The following RBM27 variants were observed in gnomAD, a reference collection of about 807,000 sequenced individuals.
RBM27 encodes RNA-binding protein 27.
In RBM27, 22 loss-of-function variants were observed where a neutral mutation model predicts 135.3. The ratio of observed to expected loss-of-function variants is 0.16; its 90% CI spans 0.12 to 0.23. RBM27 has a LOEUF of 0.23. RBM27 is among the 10% of genes least tolerant of loss of function. RBM27 has a pLI of 1.00. For missense variants in RBM27, 1,009 were observed against 1,281.0 expected (o/e 0.79, Z 3.24); for synonymous variants, 481 against 442.4 (o/e 1.09, Z -1.10).
rs371513092 is a variant in RBM27, at chr5:146,229,889, C to T, written c.568C>T (p.Arg190Trp). ...CCGAAGTAGGGGGCGCAGCAAAGAC[C>T]GGGATCCAAATAGGAATGTTGGTGA... ...RSRSRGRSKD[R>W]DPNRNVEHRE... Residue 190 changes from arginine to tryptophan, a missense_variant, in exon 5 of 21, where the codon CGG becomes TGG. Arg to Trp is a moderately radical substitution (Grantham distance 101, BLOSUM62 -3). Coordinates refer to ENST00000265271, the MANE Select transcript of RBM27 (RefSeq NM_018989.2). 28 of 1,613,740 alleles carry T rather than the reference C, an allele frequency of 1.7e-5. No individual in the cohort carries two copies. The highest frequency in any genetic ancestry group is 1.5e-4 in the African/African-American group (11 of 74,908).
At chr5:146,233,839 A>G in intron 7 of RBM27, 96 bp downstream of exon 7, 1 of 820,624 alleles carries the variant, frequency 1.2e-6, no homozygotes, top group Non-Finnish European at 1.7e-6. Context: ...TGTTTGAGAA[A>G]TAGAGTAATA....
At chr5:146,275,551 G>A (rs181708199) in intron 19 of RBM27, among the ~76,000 whole-genome samples, 6 of 152,252 alleles carry the variant, frequency 3.9e-5, no homozygotes, top group Admixed American at 1.3e-4. Flanking sequence ...ATAGGCATGA[G>A]CCACTGCGCC....
intron 8 of RBM27, among the ~76,000 whole-genome samples, chr5:146,248,815 T>C (rs1757748946): frequency 6.6e-6 from 1 of 152,200 alleles, no homozygotes; most frequent in Non-Finnish European, 1.5e-5. Context: ...TTGGGCAAAG[T>C]AGCCTTTTGG....
chr5:146,277,034 A>G (rs1759119882), intron 19 of RBM27, among the ~76,000 whole-genome samples: 1 of 152,208 alleles, frequency 6.6e-6, no homozygotes, highest in Non-Finnish European at 1.5e-5. Context: ...GTGAAAATAT[A>G]ATTTTCGTAG....
In RBM27 at chr5:146,203,794, A is replaced by G; in HGVS notation, c.29A>G (p.Lys10Arg). Reference sequence around the variant, plus strand: ...CTCATAGAGGATGTGGATGCCCTCAAGTCCTGGCTGGCCAAGTTACTGGAG... The same window carrying G: ...CTCATAGAGGATGTGGATGCCCTCAGGTCCTGGCTGGCCAAGTTACTGGAG... MLIEDVDAL[K>R]SWLAKLLEPI... The change falls in exon 1 of 21, where the codon AAG becomes AGG. Residue 10 changes from lysine (K) to arginine (R), a missense_variant. Physicochemically the swap from Lys to Arg is conservative, Grantham distance 26. Transcript: ENST00000265271. The G allele has an allele frequency of 6.5e-7, 1 of 1,546,918 alleles. No homozygotes were observed.
chr5:146,242,934 T>G (rs574288925), intron 8 of RBM27, among the ~76,000 whole-genome samples: 1 of 152,244 alleles, frequency 6.6e-6, no homozygotes, highest in African/African-American at 2.4e-5. Context: ...TTTATATTTC[T>G]AATAAGTTTT....
intron 1 of RBM27, 80 bp downstream of exon 1, chr5:146,203,904 T>TG (rs1561516535): frequency 6.8e-6 from 1 of 147,314 alleles, no homozygotes; most frequent in Non-Finnish European, 1.2e-5. Flanking sequence ...GGAGGTGGCG[T>TG]GGGGGGCGGC....
chr5:146,231,383 G>A (rs1223959913), intron 6 of RBM27, among the ~76,000 whole-genome samples: 2 of 152,126 alleles, frequency 1.3e-5, no homozygotes, highest in Non-Finnish European at 2.9e-5. Context: ...GGGATTATAG[G>A]TGTGAGCCAC....
chr5:146,213,821 G>T (rs1266574280), intron 1 of RBM27, among the ~76,000 whole-genome samples: 1 of 152,058 alleles, frequency 6.6e-6, no homozygotes, highest in South Asian at 2.1e-4. Flanking sequence ...TATTTTTAGG[G>T]CAATGTTTCT....
intron 5 of RBM27, among the ~76,000 whole-genome samples, chr5:146,230,336 T>C (rs1443189023): frequency 1.3e-5 from 2 of 152,216 alleles, no homozygotes; most frequent in Non-Finnish European, 2.9e-5. Context: ...ACCACTCATC[T>C]TCTGAGATAC....
At chr5:146,243,840 C>A (rs1337410521) in intron 8 of RBM27, among the ~76,000 whole-genome samples, 6 of 151,570 alleles carry the variant, frequency 4.0e-5, no homozygotes, top group Admixed American at 3.3e-4. Flanking sequence ...CAATAAGGAC[C>A]CAAAGTAAAC....
intron 4 of RBM27, among the ~76,000 whole-genome samples, chr5:146,229,493 T>C (rs1402367789): frequency 2.6e-5 from 4 of 152,016 alleles, no homozygotes; most frequent in African/African-American, 9.7e-5. Context: ...CCCCATACTT[T>C]GGATTCACCT....
At chr5:146,215,049 G>A (rs1480513316) in intron 1 of RBM27, among the ~76,000 whole-genome samples, 1 of 152,008 alleles carries the variant, frequency 6.6e-6, no homozygotes, top group Non-Finnish European at 1.5e-5. Context: ...AGATATCTGG[G>A]TTTCTTTTCT....
chr5:146,271,723 C>A, intron 19 of RBM27, 49 bp downstream of exon 19: 1 of 1,503,740 alleles, frequency 6.7e-7, no homozygotes, highest in Non-Finnish European at 9.2e-7. Flanking sequence ...CTGTGCTCAT[C>A]ATTTTCCTTG....
intron 19 of RBM27, among the ~76,000 whole-genome samples, chr5:146,280,794 G>C (rs1295450907): frequency 6.6e-6 from 1 of 152,182 alleles, no homozygotes; most frequent in East Asian, 1.9e-4. Flanking sequence ...GTGGTGCTAT[G>C]CCTTCTTGTT....
intron 4 of RBM27, among the ~76,000 whole-genome samples, chr5:146,229,364 A>G (rs926953987): frequency 1.3e-5 from 2 of 152,170 alleles, no homozygotes; most frequent in African/African-American, 4.8e-5. Context: ...GACAAGTAGT[A>G]CAACTTGTAT....
At chr5:146,266,601 A>G (rs1581224706) in intron 14 of RBM27, among the ~76,000 whole-genome samples, 1 of 152,182 alleles carries the variant, frequency 6.6e-6, no homozygotes, top group Admixed American at 6.5e-5. Flanking sequence ...ATTTCTTCAT[A>G]TTATTTTCTA....
At chr5:146,233,860 G>C in intron 7 of RBM27, 117 bp downstream of exon 7, 1 of 657,730 alleles carries the variant, frequency 1.5e-6, no homozygotes, top group Non-Finnish European at 2.3e-6. Context: ...ATATAATTTG[G>C]AATATATTCC....
intron 13 of RBM27, 29 bp from the exon 14 acceptor site, chr5:146,263,462 C>T: frequency 6.3e-7 from 1 of 1,595,776 alleles, no homozygotes; most frequent in Non-Finnish European, 8.6e-7. Flanking sequence ...TAAACTTCTG[C>T]CACATAAGTG....
Sources: allele counts gnomAD v4.1 joint callset (sites outside exome capture counted in the v4.1 genomes callset), GRCh38; gene constraint gnomAD v4.1.1; transcripts MANE v1.5; gene names NCBI Gene and HGNC (gene_info 2026-07-23, HGNC 2026-07-21).